PRKN: variants seen among roughly 807,000 people sequenced by gnomAD.
The protein encoded by PRKN is parkin RBR E3 ubiquitin protein ligase.
In PRKN, 56 loss-of-function variants were observed where a neutral mutation model predicts 59.5. The observed-to-expected ratio is 0.94, with a 90% CI of 0.76 to 1.18. The LOEUF (loss-of-function observed/expected upper bound fraction) is 1.18. PRKN is among the 50% of genes most tolerant of loss of function. The pLI is 0.00. For missense variants in PRKN, 657 were observed against 596.4 expected (o/e 1.10, Z -1.06); for synonymous variants, 250 against 222.1 (o/e 1.13, Z -1.12).
chr6:162,149,674 T>A (rs1782178895), intron 4 of PRKN, among the ~76,000 whole-genome samples: 1 of 151,968 alleles, frequency 6.6e-6, no homozygotes, highest in South Asian at 2.1e-4. Context: ...GACTCCAAAG[T>A]CTCCAGGGTC....
chr6:162,110,628 T>C (rs1162133230), intron 4 of PRKN, among the ~76,000 whole-genome samples: 2 of 152,240 alleles, frequency 1.3e-5, no homozygotes, highest in Admixed American at 1.3e-4. Context: ...GAATAGCATC[T>C]TGACATGGTC....
intron 7 of PRKN, among the ~76,000 whole-genome samples, chr6:161,664,631 G>A (rs1187931052): frequency 5.9e-5 from 9 of 152,090 alleles, no homozygotes; most frequent in African/African-American, 2.2e-4. Flanking sequence ...CCTATATGCT[G>A]GCTTGTCTAT....
intron 7 of PRKN, among the ~76,000 whole-genome samples, chr6:161,764,430 C>T (rs954697835): frequency 2.0e-5 from 3 of 152,136 alleles, no homozygotes; most frequent in Non-Finnish European, 4.4e-5. Context: ...ATTGTAGAGG[C>T]CTATGCAACC....
chr6:161,529,686 C>T lies in PRKN; in HGVS notation c.1083+19168G>A, dbSNP rs182599698. On this transcript the variant is annotated intron_variant, in intron 9 of 11. Coordinates refer to ENST00000366898, the MANE Select transcript of PRKN (RefSeq NM_004562.3). The surrounding 1 kb of genome is among the most constrained non-coding windows in gnomAD (Gnocchi z 4.4). ...AGAAGCTGTCCTACATATAAGTTGT[C>T]TTCTGCAAAATAAGACACAAAAATA... Among the ~76,000 whole-genome samples, 784 of 152,276 alleles carry T rather than the reference C, an allele frequency of 5.1e-3. 3 individuals are homozygous for T. The highest frequency in any genetic ancestry group is 7.0e-3 in the Non-Finnish European group (475 of 68,018).
At chr6:162,410,281 G>C (rs1012746972) in intron 2 of PRKN, among the ~76,000 whole-genome samples, 1 of 152,054 alleles carries the variant, frequency 6.6e-6, no homozygotes, top group Non-Finnish European at 1.5e-5. Flanking sequence ...GCCCCCATGG[G>C]GGGAAGAGAT....
At chr6:161,958,416 T>C (rs1228421626) in intron 6 of PRKN, among the ~76,000 whole-genome samples, 1 of 152,220 alleles carries the variant, frequency 6.6e-6, no homozygotes, top group East Asian at 1.9e-4. Context: ...TTTATGTTGT[T>C]GCTATTTTTA....
chr6:161,658,015 CAA>C (rs60685690), intron 7 of PRKN, among the ~76,000 whole-genome samples: 6 of 61,872 alleles, frequency 9.7e-5, no homozygotes, highest in African/African-American at 2.7e-4. Flanking sequence ...GACTCTGTCT[CAA>C]AAAAAAAAAA....
At chr6:162,359,774 C>T (rs757749267) in intron 2 of PRKN, among the ~76,000 whole-genome samples, 1 of 151,994 alleles carries the variant, frequency 6.6e-6, no homozygotes, top group Non-Finnish European at 1.5e-5. Flanking sequence ...ACGTTTGCCT[C>T]TTAATGGAAT....
At chr6:162,512,662 G>A (rs1160258131) in intron 1 of PRKN, among the ~76,000 whole-genome samples, 1 of 152,156 alleles carries the variant, frequency 6.6e-6, no homozygotes, top group Non-Finnish European at 1.5e-5. Context: ...ATCCACAAAA[G>A]CAGTAAGCAA....
At chr6:162,421,925 ATAAGT>A (rs1425526809) in intron 2 of PRKN, among the ~76,000 whole-genome samples, 1 of 152,240 alleles carries the variant, frequency 6.6e-6, no homozygotes, top group African/African-American at 2.4e-5. Flanking sequence ...ATTTATCTAA[ATAAGT>A]TAAATAGGAA....
At chr6:161,403,864 C>G (rs967211776) in intron 9 of PRKN, among the ~76,000 whole-genome samples, 2 of 152,150 alleles carry the variant, frequency 1.3e-5, no homozygotes, top group Non-Finnish European at 2.9e-5. Flanking sequence ...ACCTTTCTCT[C>G]TCTTTCACAC....
chr6:161,810,694 C>T (rs1791523323), intron 6 of PRKN, among the ~76,000 whole-genome samples: 1 of 152,138 alleles, frequency 6.6e-6, no homozygotes, highest in African/African-American at 2.4e-5. Context: ...TTATTTGCAA[C>T]ATTCATGTAT....
chr6:161,909,968 C>T (rs1422758761), intron 6 of PRKN, among the ~76,000 whole-genome samples: 2 of 152,092 alleles, frequency 1.3e-5, no homozygotes, highest in East Asian at 3.9e-4. Flanking sequence ...AAACAACATT[C>T]ATGATTCATG....
intron 1 of PRKN, among the ~76,000 whole-genome samples, chr6:162,476,490 AG>A (rs1357281191): frequency 2.6e-5 from 4 of 152,198 alleles, no homozygotes; most frequent in African/African-American, 9.6e-5. Flanking sequence ...TTCATACAAA[AG>A]TTTAGTAAAT....
rs1317743610 is a variant in PRKN at position 161,429,574 on chromosome 6, C to G, written c.1084-42697G>C. 1.3e-5 allele frequency among the ~76,000 whole-genome samples: 2 copies of G among 152,058 alleles called. No individual in the cohort carries two copies. Among genetic ancestry groups the G allele is most frequent in the Non-Finnish European group, 2.9e-5 (2 of 68,028 alleles). ...GCTCAGAAAACATTCTGAGATGGAACTAGAAGAACCTGGATGTGAAGCGGG... is the reference window on the plus strand; with the variant it reads ...GCTCAGAAAACATTCTGAGATGGAAGTAGAAGAACCTGGATGTGAAGCGGG... On this transcript the variant is annotated intron_variant, in intron 9 of 11. Transcript: ENST00000366898. This position sits in a 1 kb window ranked among gnomAD's most constrained non-coding sequence, Gnocchi z 4.2.
At chr6:161,835,529 G>C (rs1374679291) in intron 6 of PRKN, among the ~76,000 whole-genome samples, 1 of 152,184 alleles carries the variant, frequency 6.6e-6, no homozygotes, top group Admixed American at 6.5e-5. Flanking sequence ...AGACTAATAC[G>C]ACAGTGATGT....
At chr6:162,599,694 G>A (rs139166815) in intron 1 of PRKN, among the ~76,000 whole-genome samples, 109 of 152,204 alleles carry the variant, frequency 7.2e-4, no homozygotes, top group Non-Finnish European at 1.4e-3. Context: ...CATTCTTCCC[G>A]AAGATGTCAA....
chr6:162,087,595 TTTTTTTTTTTTTTTTCTGAGACGGAGTC>T (rs1779301142), intron 4 of PRKN, among the ~76,000 whole-genome samples: 1 of 143,196 alleles, frequency 7.0e-6, no homozygotes, highest in Admixed American at 7.0e-5. Flanking sequence ...ATTTCTTTTT[TTTTTTTTTTTTTTTTCTGAGACGGAGTC>T]TCGCTCCGTC....
chr6:162,148,693 C>T (rs965014430), intron 4 of PRKN, among the ~76,000 whole-genome samples: 60 of 151,990 alleles, frequency 3.9e-4, no homozygotes, highest in Admixed American at 3.7e-3. Flanking sequence ...TGAAAGAAAA[C>T]CATAATATGA....
Sources: gnomAD v4.1 joint callset for allele counts (sites outside exome capture counted in the v4.1 genomes callset) on GRCh38, gnomAD v4.1.1 for gene constraint, Gnocchi (gnomAD v3.1) non-coding constraint, MANE v1.5 for transcripts, NCBI Gene and HGNC (gene_info 2026-07-23, HGNC 2026-07-21) for gene names.